The following GRAMD2B variants were observed in gnomAD, a reference collection of about 807,000 sequenced individuals.
GRAMD2B encodes GRAM domain-containing protein 2B.
In GRAMD2B, 41 loss-of-function variants were observed where a neutral mutation model predicts 59.2. The observed-to-expected ratio is 0.69, with a 90% CI of 0.54 to 0.90. The LOEUF is 0.90. GRAMD2B is among the 40% of genes least tolerant of loss of function. GRAMD2B has a pLI of 0.00. For missense variants in GRAMD2B, 424 were observed against 500.5 expected, an observed-to-expected ratio of 0.85 and a Z score of 1.46; for synonymous variants, 161 against 182.7, an observed-to-expected ratio of 0.88 and a Z score of 0.96.
At chr5:126,445,986 G>A (rs886069524) in intron 1 of GRAMD2B, among the ~76,000 whole-genome samples, 5 of 152,054 alleles carry the variant, frequency 3.3e-5, no homozygotes, top group Non-Finnish European at 5.9e-5. Flanking sequence ...ATGTGGACTA[G>A]TGTGAGAACA....
intron 1 of GRAMD2B, among the ~76,000 whole-genome samples, chr5:126,456,224 T>G (rs549100568): frequency 6.6e-6 from 1 of 152,176 alleles, no homozygotes; most frequent in Non-Finnish European, 1.5e-5. Context: ...ACTTTTTTTG[T>G]TGTTGAGACA....
chr5:126,454,090 T>C (rs1000946375), intron 1 of GRAMD2B, among the ~76,000 whole-genome samples: 4 of 152,074 alleles, frequency 2.6e-5, no homozygotes, highest in African/African-American at 9.7e-5. Context: ...AATCAACACA[T>C]AGAGGAAGGA....
intron 1 of GRAMD2B, among the ~76,000 whole-genome samples, chr5:126,383,844 G>A (rs371486314): frequency 1.3e-3 from 198 of 152,202 alleles, no homozygotes; most frequent in African/African-American, 4.6e-3. Context: ...TAGAGCCCCA[G>A]AGCATATAAA....
At chr5:126,445,057 A>G (rs1561532172) in intron 1 of GRAMD2B, among the ~76,000 whole-genome samples, 1 of 152,214 alleles carries the variant, frequency 6.6e-6, no homozygotes, top group Non-Finnish European at 1.5e-5. Context: ...GTAGTATTCC[A>G]TGGTGTATAT....
intron 1 of GRAMD2B, among the ~76,000 whole-genome samples, chr5:126,411,235 G>A (rs1443172745): frequency 6.6e-6 from 1 of 152,084 alleles, no homozygotes; most frequent in Non-Finnish European, 1.5e-5. Context: ...TACAGTCTGA[G>A]GTCTTACATT....
chr5:126,395,544 G>A (rs781105533), intron 1 of GRAMD2B, among the ~76,000 whole-genome samples: 64 of 152,142 alleles, frequency 4.2e-4, no homozygotes, highest in South Asian at 6.2e-4. Context: ...TGTCTTGATG[G>A]GAAATGAACT....
intron 1 of GRAMD2B, among the ~76,000 whole-genome samples, chr5:126,459,861 C>T (rs934386309): frequency 2.6e-5 from 4 of 152,200 alleles, no homozygotes; most frequent in Admixed American, 6.5e-5. Flanking sequence ...AAATGTCTAC[C>T]GAGGGCAATT....
intron 1 of GRAMD2B, among the ~76,000 whole-genome samples, chr5:126,382,534 G>A (rs1476169129): frequency 1.3e-5 from 2 of 152,106 alleles, no homozygotes; most frequent in East Asian, 3.8e-4. Flanking sequence ...TTCATTTCCA[G>A]AAGTTGTGAT....
intron 1 of GRAMD2B, among the ~76,000 whole-genome samples, chr5:126,392,745 G>A (rs969369338): frequency 6.6e-6 from 1 of 151,984 alleles, no homozygotes; most frequent in Non-Finnish European, 1.5e-5. Context: ...GATGGGAAAC[G>A]GTTTCATGAT....
chr5:126,492,988 T>A lies in GRAMD2B; in HGVS notation c.*32T>A. ...AGATTGCTTGGGCCATCGGAATACCTCATGTTTCCCTTTGAAGAAGGTGCT... is the reference window on the plus strand; with the variant it reads ...AGATTGCTTGGGCCATCGGAATACCACATGTTTCCCTTTGAAGAAGGTGCT... On this transcript the variant is annotated 3_prime_UTR_variant, in exon 14 of 14. Transcript: ENST00000285689. 6.3e-7 allele frequency: 1 copy of A among 1,589,584 alleles called. No homozygotes were observed. Among genetic ancestry groups the A allele is most frequent in the Non-Finnish European group, 8.6e-7 (1 of 1,158,150 alleles).
intron 1 of GRAMD2B, among the ~76,000 whole-genome samples, chr5:126,364,776 G>C (rs1353238144): frequency 6.6e-6 from 1 of 152,158 alleles, no homozygotes; most frequent in Non-Finnish European, 1.5e-5. Flanking sequence ...CTATCATCTA[G>C]TTTCTAGACT....
At chr5:126,469,415 G>A (rs1769113292) in intron 2 of GRAMD2B, among the ~76,000 whole-genome samples, 1 of 152,182 alleles carries the variant, frequency 6.6e-6, no homozygotes, top group Non-Finnish European at 1.5e-5. Context: ...GCCGAGGCAG[G>A]TAGATTGCTT....
At chr5:126,466,341 G>C (rs1768392557) in intron 2 of GRAMD2B, 1 of 1,220,758 alleles carries the variant, frequency 8.2e-7, no homozygotes, top group African/African-American at 1.5e-5. Flanking sequence ...CCAAGAGTAA[G>C]TCTTAACTCC....
intron 4 of GRAMD2B, 90 bp downstream of exon 4, chr5:126,472,394 T>C: frequency 1.0e-6 from 1 of 954,734 alleles, no homozygotes; most frequent in Non-Finnish European, 1.7e-6. Context: ...GTCCATGGAC[T>C]GAGTCACCAA....
At chr5:126,492,825 A>T in intron 13 of GRAMD2B, 90 bp from the exon 14 acceptor site, 1 of 780,078 alleles carries the variant, frequency 1.3e-6, no homozygotes, top group South Asian at 1.9e-5. Flanking sequence ...AAAGTGGAAT[A>T]ATATAGAATG....
At chr5:126,443,020 T>C (rs1299669169) in intron 1 of GRAMD2B, among the ~76,000 whole-genome samples, 1 of 152,158 alleles carries the variant, frequency 6.6e-6, no homozygotes, top group African/African-American at 2.4e-5. Flanking sequence ...GGGATTGTTT[T>C]TCCCCATTAT....
upstream of GRAMD2B, among the ~76,000 whole-genome samples, chr5:126,367,078 A>C (rs769625280): frequency 1.7e-4 from 26 of 151,714 alleles, no homozygotes; most frequent in Non-Finnish European, 3.5e-4. Context: ...GCTGGTCTCG[A>C]ACTCTTTATC....
intron 1 of GRAMD2B, among the ~76,000 whole-genome samples, chr5:126,392,871 T>C (rs572089563): frequency 6.6e-5 from 10 of 152,260 alleles, no homozygotes; most frequent in African/African-American, 1.9e-4. Flanking sequence ...GAGAATCTAA[T>C]GCCACCACTG....
intron 5 of GRAMD2B, among the ~76,000 whole-genome samples, chr5:126,475,708 G>C (rs1419504371): frequency 6.6e-6 from 1 of 152,212 alleles, no homozygotes; most frequent in African/African-American, 2.4e-5. Context: ...GCTCACGCCT[G>C]TAATCCAGCA....
Sources: allele counts gnomAD v4.1 joint callset (sites outside exome capture counted in the v4.1 genomes callset), GRCh38; gene constraint gnomAD v4.1.1; transcripts MANE v1.5; gene names NCBI Gene and HGNC (gene_info 2026-07-23, HGNC 2026-07-21).